The following DCLK1 variants were observed in gnomAD, a reference collection of about 807,000 sequenced individuals.
DCLK1 encodes serine/threonine-protein kinase DCLK1.
DCLK1 carries 16 observed loss-of-function variants against 86.2 expected under a neutral mutation model. That is an observed-to-expected ratio of 0.19 (90% CI 0.13 to 0.28). DCLK1 has a LOEUF of 0.28. DCLK1 is among the 10% of genes least tolerant of loss of function. The pLI is 1.00. For missense variants in DCLK1, 590 were observed against 940.2 expected, an observed-to-expected ratio of 0.63 and a Z score of 4.87; for synonymous variants, 369 against 370.5, an observed-to-expected ratio of 1.00 and a Z score of 0.05.
intron 4 of DCLK1, among the ~76,000 whole-genome samples, chr13:35,926,301 G>T (rs575538814): frequency 6.6e-6 from 1 of 152,106 alleles, no homozygotes; most frequent in African/African-American, 2.4e-5. Flanking sequence ...CAAGTGATCC[G>T]CCCTCTTAGG....
chr13:35,912,855 T>C (rs944069861), intron 4 of DCLK1, among the ~76,000 whole-genome samples: 1 of 152,026 alleles, frequency 6.6e-6, no homozygotes, highest in African/African-American at 2.4e-5. Flanking sequence ...AGAGCTAAGA[T>C]AGCATTGTAA....
chr13:35,921,858 A>G (rs1485194483), intron 4 of DCLK1, among the ~76,000 whole-genome samples: 2 of 152,174 alleles, frequency 1.3e-5, no homozygotes, highest in South Asian at 2.1e-4. Flanking sequence ...GGGCAGAGAT[A>G]AAGTTGCCAC....
chr13:35,921,070 T>C (rs1384652632), intron 4 of DCLK1, among the ~76,000 whole-genome samples: 1 of 152,092 alleles, frequency 6.6e-6, no homozygotes, highest in Non-Finnish European at 1.5e-5. Context: ...TACCCCTGGG[T>C]CCCTCCAATC....
chr13:35,949,914 A>C (rs774382182), intron 3 of DCLK1, among the ~76,000 whole-genome samples: 2 of 147,938 alleles, frequency 1.4e-5, no homozygotes, highest in Non-Finnish European at 3.0e-5. Flanking sequence ...TATAAAAGGA[A>C]TGCAATGATT....
chr13:35,810,400 A>G (rs762508478), intron 12 of DCLK1, among the ~76,000 whole-genome samples: 12 of 152,182 alleles, frequency 7.9e-5, no homozygotes, highest in African/African-American at 1.2e-4. Flanking sequence ...CGGAAAATCA[A>G]TGGATCCCCA....
intron 3 of DCLK1, among the ~76,000 whole-genome samples, chr13:36,079,951 CA>C: frequency 6.6e-6 from 1 of 152,302 alleles, no homozygotes; most frequent in East Asian, 1.9e-4. Flanking sequence ...ATACATCACA[CA>C]TTACTTATCC....
intron 2 of DCLK1, among the ~76,000 whole-genome samples, chr13:36,124,376 T>C (rs1209906259): frequency 6.6e-6 from 1 of 152,346 alleles, no homozygotes; most frequent in Admixed American, 6.5e-5. Context: ...TCCACAGGCA[T>C]GTTGGCAGCA....
chr13:35,823,863 G>A (rs959048101), intron 10 of DCLK1, among the ~76,000 whole-genome samples: 2 of 152,214 alleles, frequency 1.3e-5, no homozygotes, highest in Admixed American at 1.3e-4. Flanking sequence ...TCGGGCCTGG[G>A]CCCTCTGTGC....
chr13:36,086,717 G>A (rs150798514), intron 3 of DCLK1, among the ~76,000 whole-genome samples: 76 of 152,136 alleles, frequency 5.0e-4, no homozygotes, highest in African/African-American at 1.7e-3. Flanking sequence ...GAGAACATGC[G>A]GTGTTTGGTT....
chr13:35,889,250 C>A (rs1275607574), intron 4 of DCLK1, among the ~76,000 whole-genome samples: 1 of 152,146 alleles, frequency 6.6e-6, no homozygotes, highest in African/African-American at 2.4e-5. Context: ...AAAATATCAA[C>A]CCTTCATGCA....
chr13:36,027,741 G>C (rs1467214976), intron 3 of DCLK1, among the ~76,000 whole-genome samples: 1 of 152,178 alleles, frequency 6.6e-6, no homozygotes, highest in Non-Finnish European at 1.5e-5. Flanking sequence ...TTGTTTGTTT[G>C]TTTGTTTTTG....
intron 4 of DCLK1, among the ~76,000 whole-genome samples, chr13:35,886,315 G>C (rs1873239478): frequency 6.6e-6 from 1 of 152,068 alleles, no homozygotes; most frequent in Non-Finnish European, 1.5e-5. Flanking sequence ...CCGGCGAATA[G>C]GTTCTTAAGA....
rs575555153 is a variant in DCLK1 at position 36,036,161 on chromosome 13, C to T, written c.723+75708G>A. 1.6e-4 allele frequency among the ~76,000 whole-genome samples: 25 copies of T among 152,278 alleles called. No homozygotes were observed. The South Asian group carries it at 5.2e-3, about 32-fold the overall frequency. On this transcript the variant is annotated intron_variant, in intron 3 of 16. Transcript: ENST00000360631. ...ACACCCATAAGTTACCACCCCTTTC[C>T]ATGGAAACAACCTCACAACCTGGAA...
intron 4 of DCLK1, among the ~76,000 whole-genome samples, chr13:35,942,656 C>T (rs1877150015): frequency 6.6e-6 from 1 of 152,204 alleles, no homozygotes; most frequent in East Asian, 1.9e-4. Context: ...TAAATCAGTA[C>T]CTTTTGGACA....
chr13:35,994,010 T>G (rs943013771), intron 3 of DCLK1, among the ~76,000 whole-genome samples: 3 of 151,984 alleles, frequency 2.0e-5, no homozygotes, highest in Admixed American at 6.6e-5. Flanking sequence ...CTCTTTCAAG[T>G]ACTTTTCTCT....
chr13:35,853,682 A>G (rs1235016722), intron 6 of DCLK1, among the ~76,000 whole-genome samples: 2 of 152,222 alleles, frequency 1.3e-5, no homozygotes, highest in Non-Finnish European at 2.9e-5. Flanking sequence ...CTCGCTTATT[A>G]AAGTGTTCAG....
intron 3 of DCLK1, among the ~76,000 whole-genome samples, chr13:36,110,711 A>G (rs1593899524): frequency 6.6e-6 from 1 of 152,200 alleles, no homozygotes; most frequent in Non-Finnish European, 1.5e-5. Flanking sequence ...AAATTTTTTA[A>G]AAAAGCATTT....
chr13:36,081,784 T>G (rs1367378878), intron 3 of DCLK1, among the ~76,000 whole-genome samples: 1 of 152,172 alleles, frequency 6.6e-6, no homozygotes, highest in Non-Finnish European at 1.5e-5. Context: ...TCAACTTAAG[T>G]AGAAAAATTG....
At chr13:36,011,922 G>C (rs1593815778) in intron 3 of DCLK1, among the ~76,000 whole-genome samples, 1 of 150,534 alleles carries the variant, frequency 6.6e-6, no homozygotes, top group African/African-American at 2.5e-5. Context: ...TGTATTGGGT[G>C]CATATATATT....
Sources: allele counts gnomAD v4.1 joint callset (sites outside exome capture counted in the v4.1 genomes callset), GRCh38; gene constraint gnomAD v4.1.1; transcripts MANE v1.5; gene names NCBI Gene and HGNC (gene_info 2026-07-23, HGNC 2026-07-21).